The following SAMD5 variants were observed in gnomAD, a reference collection of about 807,000 sequenced individuals.
SAMD5 encodes sterile alpha motif domain-containing protein 5.
A neutral mutation model predicts 11.3 loss-of-function variants in SAMD5; 13 were observed. The ratio of observed to expected loss-of-function variants is 1.15; its 90% CI spans 0.75 to 1.83. SAMD5 has a LOEUF of 1.83. Among genes scored for constraint, SAMD5 ranks in the 40% most tolerant of loss-of-function variants. The pLI is 0.00. For missense variants in SAMD5, 255 were observed against 239.1 expected (o/e 1.07, Z -0.44); for synonymous variants, 129 against 111.3 (o/e 1.16, Z -1.00).
the SAMD5 span, among the ~76,000 whole-genome samples, chr6:147,916,125 G>A: frequency 3.8e-3 from 572 of 152,150 alleles, 3 homozygotes; most frequent in African/African-American, 0.013. Flanking sequence ...GTGTATAGGT[G>A]CCACATTTTC....
In SAMD5 at chr6:147,614,932, A is replaced by G. The variant is rs140855492; in HGVS notation, c.162+105545A>G. 4.9e-3 allele frequency among the ~76,000 whole-genome samples: 738 copies of G among 152,098 alleles called. 11 individuals are homozygous for G. The highest frequency in any genetic ancestry group is 0.024 in the Middle Eastern group (7 of 294). The stretch of plus-strand genomic sequence containing the variant: ...AATGTATCTATACTGAACATCTACA[A>G]CATCTTTCTTGTCATTATTATGTTA... On this transcript the variant is annotated intron_variant, in intron 1 of 1. Coordinates refer to the SAMD5 transcript ENST00000566741.
chr6:147,684,760 T>C (rs536673475), intron 1 of SAMD5, among the ~76,000 whole-genome samples: 2 of 152,320 alleles, frequency 1.3e-5, no homozygotes, highest in Admixed American at 6.5e-5. Context: ...TGCAGTTCTG[T>C]AAAAATTATC....
At chr6:147,543,687 T>C (rs947531247) in intron 1 of SAMD5, among the ~76,000 whole-genome samples, 9 of 152,134 alleles carry the variant, frequency 5.9e-5, no homozygotes, top group African/African-American at 2.2e-4. Context: ...CAAAGACAAA[T>C]CTGTGAAATA....
chr6:147,575,503 C>A (rs1789205285), intron 1 of SAMD5, among the ~76,000 whole-genome samples: 1 of 152,256 alleles, frequency 6.6e-6, no homozygotes, highest in Non-Finnish European at 1.5e-5. Context: ...CAATAGCTGC[C>A]AGTCAAAATT....
chr6:147,696,523 C>G (rs77184903), intron 1 of SAMD5, among the ~76,000 whole-genome samples: 2,415 of 152,276 alleles, frequency 0.016, 54 homozygotes, highest in South Asian at 0.072. Flanking sequence ...CCCTGTTACC[C>G]GTGTGCACTC....
At chr6:147,811,110 A>T in the SAMD5 span, among the ~76,000 whole-genome samples, 56 of 152,354 alleles carry the variant, frequency 3.7e-4, no homozygotes, top group East Asian at 6.4e-3. Flanking sequence ...GTTGCTGTGA[A>T]TACAATGTTC....
chr6:147,670,823 G>C (rs7762992), intron 1 of SAMD5, among the ~76,000 whole-genome samples: 109,889 of 152,136 alleles, frequency 0.72, 39,968 homozygotes, highest in South Asian at 0.82. Flanking sequence ...GCTAATTTTG[G>C]TTTTCTGTCA....
At chr6:147,909,614 T>TCCTCTCTCTCTCTC in the SAMD5 span, among the ~76,000 whole-genome samples, 1 of 77,272 alleles carries the variant, frequency 1.3e-5, no homozygotes, top group African/African-American at 8.1e-5. Flanking sequence ...CTTTCTTTCT[T>TCCTCTCTCTCTCTC]TCTTTCTTTC....
chr6:147,603,810 C>A (rs745679140), intron 1 of SAMD5, among the ~76,000 whole-genome samples: 15 of 151,986 alleles, frequency 9.9e-5, no homozygotes, highest in Non-Finnish European at 1.6e-4. Context: ...ACAACAACAA[C>A]AAAAAACAAG....
the SAMD5 span, among the ~76,000 whole-genome samples, chr6:147,765,936 T>C: frequency 1.3e-5 from 2 of 152,010 alleles, no homozygotes; most frequent in Non-Finnish European, 1.5e-5. Context: ...AGCCTCAGAT[T>C]GACACCTAGA....
intron 1 of SAMD5, among the ~76,000 whole-genome samples, chr6:147,598,537 A>G (rs1789569922): frequency 2.0e-5 from 3 of 152,204 alleles, no homozygotes; most frequent in Non-Finnish European, 2.9e-5. Context: ...GGTTCGAGGC[A>G]TTCATCTACC....
At chr6:147,601,964 G>A (rs1480818491) in intron 1 of SAMD5, among the ~76,000 whole-genome samples, 1 of 152,192 alleles carries the variant, frequency 6.6e-6, no homozygotes, top group East Asian at 1.9e-4. Flanking sequence ...AAAAGAAGGG[G>A]CTGAAGACTC....
At chr6:147,609,025 G>A (rs568563483) in intron 1 of SAMD5, among the ~76,000 whole-genome samples, 27 of 152,214 alleles carry the variant, frequency 1.8e-4, no homozygotes, top group Admixed American at 1.6e-3. Context: ...TTGTTTTCTT[G>A]TATCAAATGG....
chr6:147,564,940 A>G lies in SAMD5; in HGVS notation c.*484A>G. On this transcript the variant is annotated 3_prime_UTR_variant, in exon 2 of 2. Coordinates refer to ENST00000367474, the MANE Select transcript of SAMD5 (RefSeq NM_001030060.3). ...TACATTCTACTTCATTTCATATAGG[A>G]CCATGTTTTTATAAGATAAGATACA... 1.2e-6 allele frequency: 1 copy of G among 824,936 alleles called. No individual in the cohort carries two copies. The highest frequency in any genetic ancestry group is 1.5e-6 in the Non-Finnish European group (1 of 684,746). The allele number at this position is 824,936 out of a possible 1,614,324, so 51.1% of individuals were successfully genotyped here.
At chr6:147,545,481 G>A (rs1223414195) in intron 1 of SAMD5, among the ~76,000 whole-genome samples, 3 of 152,014 alleles carry the variant, frequency 2.0e-5, no homozygotes, top group African/African-American at 7.3e-5. Flanking sequence ...GCAAGTTCTT[G>A]CAATAACTTG....
At chr6:147,798,181 T>A in the SAMD5 span, among the ~76,000 whole-genome samples, 8 of 147,220 alleles carry the variant, frequency 5.4e-5, no homozygotes, top group African/African-American at 7.8e-5. Flanking sequence ...TTTGGATCTT[T>A]CCTGCTTTCT....
the SAMD5 span, among the ~76,000 whole-genome samples, chr6:147,819,870 AG>A: frequency 3.9e-5 from 6 of 152,220 alleles, no homozygotes; most frequent in African/African-American, 1.4e-4. Flanking sequence ...AAGGAGAGGC[AG>A]GGTGTCAGCA....
At chr6:147,716,576 A>G (rs748850545) in intron 1 of SAMD5, among the ~76,000 whole-genome samples, 9 of 152,096 alleles carry the variant, frequency 5.9e-5, no homozygotes, top group Non-Finnish European at 1.0e-4. Flanking sequence ...AGGGAATGTG[A>G]AGCTCCTGCC....
the SAMD5 span, among the ~76,000 whole-genome samples, chr6:147,758,077 A>G: frequency 3.3e-5 from 5 of 152,164 alleles, no homozygotes; most frequent in Non-Finnish European, 7.3e-5. Flanking sequence ...GAGAAACCTT[A>G]CTGGGTGACA....
Sources: gnomAD v4.1 joint callset for allele counts (sites outside exome capture counted in the v4.1 genomes callset) on GRCh38, gnomAD v4.1.1 for gene constraint, MANE v1.5 for transcripts, NCBI Gene and HGNC (gene_info 2026-07-23, HGNC 2026-07-21) for gene names.